The following MGMT variants were observed in gnomAD, a reference collection of about 807,000 sequenced individuals.
MGMT encodes the protein methylated-DNA--protein-cysteine methyltransferase.
Under a neutral mutation model 15.9 loss-of-function variants are expected in MGMT, and 14 were observed. That is an observed-to-expected ratio of 0.88 (90% CI 0.58 to 1.37). The LOEUF is 1.37. MGMT is among the 40% of genes most tolerant of loss of function. The probability of loss-of-function intolerance (pLI) is 0.00; values close to 1 mark genes in which losing one functional copy is unlikely to be tolerated. For synonymous variants in MGMT, 130 were observed against 118.2 expected (o/e 1.10, Z -0.65); for missense variants, 282 against 268.1 (o/e 1.05, Z -0.36).
chr10:129,467,531 G>A (rs1845182515), intron 1 of MGMT: 1 of 732,532 alleles, frequency 1.4e-6, no homozygotes, highest in Admixed American at 6.3e-5. Context: ...CTGTGGACTG[G>A]CGTGTGGCGG....
chr10:129,653,029 G>T (rs919838571), intron 2 of MGMT, among the ~76,000 whole-genome samples: 3 of 152,220 alleles, frequency 2.0e-5, no homozygotes, highest in African/African-American at 7.2e-5. Flanking sequence ...TCCCTCCAGG[G>T]TTGGCTGAGA....
chr10:129,646,754 A>ATATTTTTTTTTTTTTTTTT, intron 2 of MGMT, among the ~76,000 whole-genome samples: 1 of 86,674 alleles, frequency 1.2e-5, no homozygotes, highest in Non-Finnish European at 2.6e-5. Flanking sequence ...ATATATATAT[A>ATATTTTTTTTTTTTTTTTT]TTTTCAGGGA....
intron 2 of MGMT, among the ~76,000 whole-genome samples, chr10:129,581,625 C>T (rs549817094): frequency 6.6e-6 from 1 of 152,304 alleles, no homozygotes; most frequent in Admixed American, 6.5e-5. Context: ...AAGATATTCT[C>T]AGACTAGTCA....
chr10:129,490,824 C>G (rs1845462044), intron 1 of MGMT, among the ~76,000 whole-genome samples: 1 of 152,096 alleles, frequency 6.6e-6, no homozygotes, highest in African/African-American at 2.4e-5. Context: ...CCATTTTTCT[C>G]CCCTTTCTGG....
chr10:129,476,415 T>C (rs1845295088), intron 1 of MGMT, among the ~76,000 whole-genome samples: 1 of 152,108 alleles, frequency 6.6e-6, no homozygotes, highest in African/African-American at 2.4e-5. Context: ...CCCCCAGCTG[T>C]GGAGATCATG....
chr10:129,556,132 G>C lies in MGMT; in HGVS notation c.125+19755G>C, dbSNP rs1283418724. ...GCCTTGGACCCTGATGGCGCTGGGG[G>C]GTTTCATCGCCATTTAACCCTCCGC... On this transcript the variant is annotated intron_variant, in intron 2 of 4. Coordinates refer to ENST00000651593, the MANE Select transcript of MGMT (RefSeq NM_002412.5). The surrounding 1 kb of genome is among the most constrained non-coding windows in gnomAD (Gnocchi z 4.3). Among the ~76,000 whole-genome samples the C allele has an allele frequency of 6.6e-6, 1 of 152,154 alleles. No individual in the cohort carries two copies. The highest frequency in any genetic ancestry group is 1.5e-5 in the Non-Finnish European group (1 of 68,032).
chr10:129,629,824 G>A (rs1403521646), intron 2 of MGMT, among the ~76,000 whole-genome samples: 1 of 152,186 alleles, frequency 6.6e-6, no homozygotes, highest in Admixed American at 6.5e-5. Context: ...GTGGAGGTGT[G>A]TTTCCTGGAC....
chr10:129,549,359 G>T (rs887397689), intron 2 of MGMT, among the ~76,000 whole-genome samples: 1 of 152,166 alleles, frequency 6.6e-6, no homozygotes, highest in African/African-American at 2.4e-5. Context: ...CTTAGACATA[G>T]TACCGTCAGC....
chr10:129,748,144 C>T (rs1021311600), intron 3 of MGMT, among the ~76,000 whole-genome samples: 3 of 152,192 alleles, frequency 2.0e-5, no homozygotes, highest in Non-Finnish European at 4.4e-5. Flanking sequence ...TGGGGAGTTA[C>T]GCTCCTTGAA....
At chr10:129,491,129 C>T (rs776837607) in intron 1 of MGMT, among the ~76,000 whole-genome samples, 9 of 152,108 alleles carry the variant, frequency 5.9e-5, no homozygotes, top group Non-Finnish European at 1.2e-4. Flanking sequence ...ATCATGCCTT[C>T]GTCTGGGGTG....
chr10:129,639,965 G>C (rs1337412106), intron 2 of MGMT, among the ~76,000 whole-genome samples: 2 of 148,170 alleles, frequency 1.3e-5, no homozygotes, highest in Admixed American at 6.7e-5. Flanking sequence ...AAAAAAAAGA[G>C]AGTGAAGTCA....
At chr10:129,536,197 G>T in intron 1 of MGMT, 44 bp from the exon 2 acceptor site, 1 of 1,605,870 alleles carries the variant, frequency 6.2e-7, no homozygotes, top group Non-Finnish European at 8.5e-7. Context: ...TATACGACCA[G>T]CCTCTTACCT....
chr10:129,649,724 A>G (rs1022821796), intron 2 of MGMT, among the ~76,000 whole-genome samples: 7 of 152,232 alleles, frequency 4.6e-5, no homozygotes, highest in Non-Finnish European at 8.8e-5. Context: ...ATTTTAGGCT[A>G]ACGTTGCTCC....
At chr10:129,647,435 A>G (rs1191687786) in intron 2 of MGMT, among the ~76,000 whole-genome samples, 1 of 152,198 alleles carries the variant, frequency 6.6e-6, no homozygotes, top group Non-Finnish European at 1.5e-5. Context: ...TGTGTGTGTC[A>G]CTTAGGAAAT....
chr10:129,506,186 G>C (rs1011280418), intron 1 of MGMT, among the ~76,000 whole-genome samples: 1 of 152,004 alleles, frequency 6.6e-6, no homozygotes, highest in African/African-American at 2.4e-5. Context: ...ACAACACATG[G>C]GCTAGCCCCA....
intron 2 of MGMT, among the ~76,000 whole-genome samples, chr10:129,665,182 ACCCACCCC>A (rs1847643896): frequency 2.3e-5 from 1 of 42,646 alleles, no homozygotes; most frequent in Non-Finnish European, 5.1e-5. Context: ...TCACCCACTC[ACCCACCCC>A]CCCACCTACC....
intron 2 of MGMT, among the ~76,000 whole-genome samples, chr10:129,577,399 G>A (rs1265830166): frequency 6.6e-6 from 1 of 152,178 alleles, no homozygotes; most frequent in Non-Finnish European, 1.5e-5. Context: ...ACAACTATCT[G>A]ATCATTGATA....
intron 1 of MGMT, among the ~76,000 whole-genome samples, chr10:129,520,970 TGAGG>T (rs1845802443): frequency 4.5e-5 from 4 of 88,930 alleles, no homozygotes; most frequent in African/African-American, 2.0e-4. Context: ...GCCCCTACGG[TGAGG>T]GTGCAGAGCC....
chr10:129,516,017 G>A (rs762207948), intron 1 of MGMT, among the ~76,000 whole-genome samples: 1 of 152,214 alleles, frequency 6.6e-6, no homozygotes, highest in Non-Finnish European at 1.5e-5. Flanking sequence ...TCTGTATGTG[G>A]TGTCTACAGG....
Sources: gnomAD v4.1 joint callset for allele counts (sites outside exome capture counted in the v4.1 genomes callset) on GRCh38, gnomAD v4.1.1 for gene constraint, Gnocchi (gnomAD v3.1) non-coding constraint, MANE v1.5 for transcripts, NCBI Gene and HGNC (gene_info 2026-07-23, HGNC 2026-07-21) for gene names.